SNTG1: variants seen among roughly 807,000 people sequenced by gnomAD.
SNTG1 encodes syntrophin gamma 1, also known as gamma-1-syntrophin.
Under a neutral mutation model 74.7 loss-of-function variants are expected in SNTG1, and 39 were observed. That is an observed-to-expected ratio of 0.52 (90% confidence interval 0.40 to 0.68). The LOEUF (loss-of-function observed/expected upper bound fraction) is 0.68. SNTG1 is among the 30% of genes least tolerant of loss of function. The pLI is 0.00. For missense variants in SNTG1, 685 were observed against 609.5 expected (o/e 1.12, Z -1.30); for synonymous variants, 254 against 217.1 (o/e 1.17, Z -1.49).
At chr8:49,928,775 T>G (rs901534852) in intron 1 of SNTG1, among the ~76,000 whole-genome samples, 4 of 152,084 alleles carry the variant, frequency 2.6e-5, no homozygotes, top group Non-Finnish European at 5.9e-5. Context: ...AAAATAATAT[T>G]TTTTAAATCA....
At chr8:50,466,417 C>G (rs960191663) in intron 8 of SNTG1, among the ~76,000 whole-genome samples, 1 of 151,850 alleles carries the variant, frequency 6.6e-6, no homozygotes, top group Non-Finnish European at 1.5e-5. Context: ...ATTCTTTTGC[C>G]AACACCATGC....
At chr8:50,036,033 T>C (rs1818131333) in intron 1 of SNTG1, among the ~76,000 whole-genome samples, 1 of 152,204 alleles carries the variant, frequency 6.6e-6, no homozygotes, top group African/African-American at 2.4e-5. Context: ...AATTGGTCTC[T>C]TTATGCATCA....
chr8:50,507,521 G>A (rs990606944), intron 9 of SNTG1, among the ~76,000 whole-genome samples: 1 of 151,920 alleles, frequency 6.6e-6, no homozygotes, highest in African/African-American at 2.4e-5. Flanking sequence ...ATGTCTGTCT[G>A]TATTTTTTGT....
intron 5 of SNTG1, among the ~76,000 whole-genome samples, chr8:50,442,868 G>T (rs1343967618): frequency 6.6e-6 from 1 of 152,096 alleles, no homozygotes; most frequent in Non-Finnish European, 1.5e-5. Flanking sequence ...GGCAGATTCA[G>T]CAGGCTAGTG....
At chr8:49,975,729 G>C (rs1014239058) in intron 1 of SNTG1, among the ~76,000 whole-genome samples, 9 of 150,846 alleles carry the variant, frequency 6.0e-5, no homozygotes, top group Non-Finnish European at 1.3e-4. Flanking sequence ...AAAACAATAT[G>C]ACTGTGTGCC....
intron 1 of SNTG1, among the ~76,000 whole-genome samples, chr8:50,162,358 G>A (rs1037460093): frequency 4.6e-5 from 7 of 151,830 alleles, no homozygotes; most frequent in Admixed American, 2.6e-4. Context: ...GTCAGGAGAT[G>A]GAGACCACCC....
chr8:50,037,676 G>C (rs117799318), intron 1 of SNTG1, among the ~76,000 whole-genome samples: 269 of 152,290 alleles, frequency 1.8e-3, no homozygotes, highest in South Asian at 2.9e-3. Flanking sequence ...TTAGTAGCCA[G>C]TTGTCCTTGG....
chr8:50,255,762 A>G (rs1392702045), intron 2 of SNTG1, among the ~76,000 whole-genome samples: 1 of 152,202 alleles, frequency 6.6e-6, no homozygotes, highest in African/African-American at 2.4e-5. Flanking sequence ...ATCTTCACTA[A>G]TGACACTGCA....
intron 13 of SNTG1, among the ~76,000 whole-genome samples, chr8:50,611,153 G>A (rs1471923968): frequency 6.6e-6 from 1 of 152,176 alleles, no homozygotes; most frequent in African/African-American, 2.4e-5. Flanking sequence ...GTGGTTATAT[G>A]TACAAGAATG....
intron 1 of SNTG1, among the ~76,000 whole-genome samples, chr8:49,945,621 C>T (rs572943098): frequency 9.9e-5 from 15 of 152,268 alleles, no homozygotes; most frequent in African/African-American, 3.4e-4. Context: ...CCTGCAGATT[C>T]GCTGGGTTCA....
chr8:50,052,272 C>T lies in SNTG1; in HGVS notation c.-102-120289C>T, dbSNP rs565035021. Among the ~76,000 whole-genome samples the T allele has an allele frequency of 2.0e-5, 3 of 152,168 alleles. No homozygotes were observed. The South Asian group carries it at 6.2e-4, about 31-fold the overall frequency. On this transcript the variant is annotated intron_variant, in intron 1 of 18. Coordinates refer to ENST00000642720, the MANE Select transcript of SNTG1 (RefSeq NM_018967.5). ...TTGGGAGTTTAGAAATACAGTTTTA[C>T]ACTAAAATTCATTGTTACAACATTT... is the stretch of plus-strand genomic sequence containing the variant.
intron 9 of SNTG1, among the ~76,000 whole-genome samples, chr8:50,512,668 A>C (rs1036375450): frequency 3.3e-5 from 5 of 151,964 alleles, no homozygotes; most frequent in African/African-American, 1.2e-4. Flanking sequence ...CATTCATTTG[A>C]TCTTCCATCC....
chr8:50,484,090 C>CTCTTTCTCTCTT (rs2093763329), intron 8 of SNTG1, among the ~76,000 whole-genome samples: 1 of 138,514 alleles, frequency 7.2e-6, no homozygotes, highest in Non-Finnish European at 1.6e-5. Flanking sequence ...TTTTCTTTCT[C>CTCTTTCTCTCTT]TCTTTCTTTC....
intron 1 of SNTG1, among the ~76,000 whole-genome samples, chr8:50,011,341 G>A (rs375429130): frequency 6.6e-6 from 1 of 152,108 alleles, no homozygotes; most frequent in East Asian, 1.9e-4. Context: ...ATGTTTGTAA[G>A]AGCTAGACAC....
chr8:50,736,706 A>T (rs2095529745), intron 17 of SNTG1, among the ~76,000 whole-genome samples: 1 of 152,150 alleles, frequency 6.6e-6, no homozygotes, highest in Non-Finnish European at 1.5e-5. Context: ...ATGCAAAAGA[A>T]TGGAAATCAT....
chr8:50,352,398 T>C (rs898071683), intron 2 of SNTG1, among the ~76,000 whole-genome samples: 5 of 125,972 alleles, frequency 4.0e-5, no homozygotes, highest in African/African-American at 1.5e-4. Context: ...GTTCTTTCTC[T>C]TTTTTTTTTT....
At chr8:49,975,567 T>C (rs1274407878) in intron 1 of SNTG1, among the ~76,000 whole-genome samples, 1 of 152,178 alleles carries the variant, frequency 6.6e-6, no homozygotes, top group Non-Finnish European at 1.5e-5. Context: ...GATGAGAATA[T>C]GAAGCTGATC....
chr8:50,314,346 C>T (rs945227123), intron 2 of SNTG1, among the ~76,000 whole-genome samples: 4 of 149,282 alleles, frequency 2.7e-5, no homozygotes, highest in Non-Finnish European at 5.9e-5. Flanking sequence ...TAGCTATTTT[C>T]ATTTTTCTTG....
chr8:50,736,246 G>A (rs1308855182), intron 17 of SNTG1, among the ~76,000 whole-genome samples: 1 of 151,796 alleles, frequency 6.6e-6, no homozygotes, highest in Non-Finnish European at 1.5e-5. Flanking sequence ...GCATCATAAT[G>A]ACAGGCTCAA....
Sources: gnomAD v4.1 joint callset for allele counts (sites outside exome capture counted in the v4.1 genomes callset) on GRCh38, gnomAD v4.1.1 for gene constraint, MANE v1.5 for transcripts, NCBI Gene and HGNC (gene_info 2026-07-23, HGNC 2026-07-21) for gene names.